TENM2: variants seen among roughly 807,000 people sequenced by gnomAD.
The protein encoded by TENM2 is teneurin transmembrane protein 2, also known as teneurin-2.
Under a neutral mutation model 245.2 loss-of-function variants are expected in TENM2, and 52 were observed. That is an observed-to-expected ratio of 0.21 (90% CI 0.17 to 0.27). The LOEUF (loss-of-function observed/expected upper bound fraction) is 0.27, where lower values mean the gene tolerates loss of function less well. Among genes scored for constraint, TENM2 ranks in the 10% least tolerant of loss-of-function variants. The pLI, the probability that TENM2 is intolerant of heterozygous loss-of-function variation, is 1.00. For synonymous variants in TENM2, 1,363 were observed against 1,438.9 expected (o/e 0.95, Z 1.19); for missense variants, 3,046 against 3,666.8 (o/e 0.83, Z 4.37).
chr5:167,918,603 G>T (rs1037481872), intron 3 of TENM2, among the ~76,000 whole-genome samples: 2 of 152,154 alleles, frequency 1.3e-5, no homozygotes, highest in African/African-American at 4.8e-5. Context: ...CAAGCACACT[G>T]CCAGGGAGGG....
At chr5:167,908,324 CCTCCT>C (rs762323247) in intron 3 of TENM2, among the ~76,000 whole-genome samples, 2,160 of 128,100 alleles carry the variant, frequency 0.017, 47 homozygotes, top group Non-Finnish European at 0.028. Flanking sequence ...TCTCCTCTCC[CCTCCT>C]CTCCTCTCCT....
intron 12 of TENM2, among the ~76,000 whole-genome samples, chr5:168,154,157 A>AAAAAAAAAAAAAAAAAAC (rs1756923180): frequency 6.6e-6 from 1 of 151,122 alleles, no homozygotes; most frequent in African/African-American, 2.4e-5. Context: ...TAAAAAAAAA[A>AAAAAAAAAAAAAAAAAAC]AAAAAAAAAC....
chr5:167,263,457 G>A, the TENM2 span, among the ~76,000 whole-genome samples: 1 of 152,204 alleles, frequency 6.6e-6, no homozygotes, highest in Non-Finnish European at 1.5e-5. Flanking sequence ...TGAGGAAGCA[G>A]AGAATTCAGA....
rs777482697 is a variant in TENM2, at chr5:167,394,989, C to T, written c.502+19516C>T. On this transcript the variant is annotated intron_variant, in intron 2 of 28. Coordinates refer to ENST00000518659, the Ensembl canonical transcript of TENM2. ...GCTTTGAACCAAGATTATGGTTCTA[C>T]GTGGATTTTAGGATTATTTGTTCTA... Among the ~76,000 whole-genome samples, 6 of 152,080 alleles carry T rather than the reference C, an allele frequency of 3.9e-5. No homozygotes were observed. The South Asian group carries it at 8.3e-4, about 21-fold the overall frequency.
At chr5:167,262,358 CAA>C in the TENM2 span, among the ~76,000 whole-genome samples, 15 of 119,210 alleles carry the variant, frequency 1.3e-4, no homozygotes, top group Non-Finnish European at 1.6e-4. Context: ...AACCCCATCT[CAA>C]AAAAAAAAAA....
chr5:167,923,504 G>A (rs767065453), intron 3 of TENM2, among the ~76,000 whole-genome samples: 17 of 152,192 alleles, frequency 1.1e-4, no homozygotes, highest in Non-Finnish European at 1.5e-4. Context: ...CAGAACCTCC[G>A]CCGCTGAGGT....
intron 10 of TENM2, among the ~76,000 whole-genome samples, chr5:168,123,384 G>A (rs773706025): frequency 8.5e-5 from 13 of 152,158 alleles, no homozygotes; most frequent in Non-Finnish European, 1.3e-4. Flanking sequence ...AAATGTCTTA[G>A]GAGATCCTAC....
chr5:167,826,309 G>T (rs906807750), intron 2 of TENM2, among the ~76,000 whole-genome samples: 2 of 152,184 alleles, frequency 1.3e-5, no homozygotes, highest in African/African-American at 2.4e-5. Context: ...TCCCTGCCAG[G>T]TTCCCTGCTG....
At chr5:167,996,437 A>G (rs1581003858) in intron 5 of TENM2, among the ~76,000 whole-genome samples, 2 of 152,294 alleles carry the variant, frequency 1.3e-5, no homozygotes, top group South Asian at 2.1e-4. Flanking sequence ...AGGCCCTGGC[A>G]CAAACAATTC....
At chr5:168,082,055 C>T (rs1239543935) in intron 7 of TENM2, among the ~76,000 whole-genome samples, 1 of 152,248 alleles carries the variant, frequency 6.6e-6, no homozygotes, top group Non-Finnish European at 1.5e-5. Flanking sequence ...CTGCCTGTCA[C>T]TTTCAGGCAC....
At chr5:168,135,254 G>T (rs1354791086) in intron 12 of TENM2, among the ~76,000 whole-genome samples, 5 of 152,038 alleles carry the variant, frequency 3.3e-5, no homozygotes, top group South Asian at 2.1e-4. Flanking sequence ...GCAATTTTTT[G>T]GTTCATCTCC....
At chr5:167,776,624 A>AAAAAC (rs1561769493) in intron 2 of TENM2, among the ~76,000 whole-genome samples, 7 of 61,258 alleles carry the variant, frequency 1.1e-4, no homozygotes, top group African/African-American at 5.1e-4. Context: ...AAAAAAAAAA[A>AAAAAC]AACCATATAT....
At chr5:167,647,297 C>T (rs1488588717) in intron 2 of TENM2, among the ~76,000 whole-genome samples, 1 of 152,110 alleles carries the variant, frequency 6.6e-6, no homozygotes, top group Non-Finnish European at 1.5e-5. Context: ...CTGTTGAGAA[C>T]GATGACTCCA....
rs70976412 is a variant in TENM2, at chr5:167,328,204, GTT to G, written c.226+43163_226+43164del. Among the ~76,000 whole-genome samples the G allele has an allele frequency of 2.6e-3, 239 of 91,010 alleles. 2 individuals carry two copies. The highest frequency in any genetic ancestry group is 5.0e-3 in the Admixed American group (34 of 6,840). The allele number at this position is 91,010 out of a possible 152,430, so 59.7% of individuals were successfully genotyped here. A position where few individuals can be genotyped will look rare whatever the true frequency, so the allele number is the denominator to read the frequency against. On this transcript the variant is annotated intron_variant, in intron 1 of 28. Transcript: ENST00000518659. ...CAACAGTTCGATAGTTTCTCATATC[GTT>G]TTTTTTTTTTTTTTTTTTTTTGATG...
At position 167,785,554 on chromosome 5, in the gene TENM2, C is replaced by G. The variant is rs141728598; in HGVS notation, c.503-90432C>G. Among the ~76,000 whole-genome samples the G allele has an allele frequency of 6.7e-3, 1,014 of 152,290 alleles. 5 individuals carry two copies. Among genetic ancestry groups the G allele is most frequent in the Admixed American group, 0.01 (153 of 15,284 alleles). On this transcript the variant is annotated intron_variant, in intron 2 of 28. Transcript: ENST00000518659. The stretch of plus-strand genomic sequence containing the variant: ...GACCCATGGGATGCTTCACTATCAT[C>G]CATGTCTTGAATGTATGCACAATCC...
At chr5:167,103,978 C>T in the TENM2 span, among the ~76,000 whole-genome samples, 25 of 152,040 alleles carry the variant, frequency 1.6e-4, no homozygotes, top group Admixed American at 1.6e-3. Flanking sequence ...TCCTCTATAC[C>T]GACTGGCAAA....
chr5:168,248,298 C>T (rs968259500), exon 27 of TENM2: 1 of 1,613,886 alleles, frequency 6.2e-7, no homozygotes, highest in African/African-American at 1.3e-5. Flanking sequence ...AGGAGCCGGC[C>T]CCCTTTAACC....
intron 2 of TENM2, among the ~76,000 whole-genome samples, chr5:167,645,782 T>G (rs1779888114): frequency 1.3e-5 from 2 of 152,028 alleles, no homozygotes; most frequent in African/African-American, 4.8e-5. Flanking sequence ...TTCACAAAGG[T>G]TATTTCTGAA....
At chr5:167,547,971 C>G (rs1376875649) in intron 2 of TENM2, among the ~76,000 whole-genome samples, 1 of 152,136 alleles carries the variant, frequency 6.6e-6, no homozygotes, top group Non-Finnish European at 1.5e-5. Flanking sequence ...CGTAGCAAAT[C>G]AAGGAGTTTT....
Sources: gnomAD v4.1 joint callset for allele counts (sites outside exome capture counted in the v4.1 genomes callset) on GRCh38, gnomAD v4.1.1 for gene constraint, MANE v1.5 for transcripts, NCBI Gene and HGNC (gene_info 2026-07-23, HGNC 2026-07-21) for gene names.